The following HCRTR2 variants were observed in gnomAD, a reference collection of about 807,000 sequenced individuals.
HCRTR2 encodes the protein orexin receptor type 2.
In HCRTR2, 22 loss-of-function variants were observed where a neutral mutation model predicts 49.0. That is an observed-to-expected ratio of 0.45 (90% CI 0.32 to 0.64). HCRTR2 has a LOEUF of 0.64. Ranked by LOEUF, HCRTR2 falls within the 30% of genes least tolerant of loss-of-function variation. The probability of loss-of-function intolerance (pLI) is 0.04; values close to 1 mark genes in which losing one functional copy is unlikely to be tolerated. For synonymous variants in HCRTR2, 236 were observed against 205.3 expected, an observed-to-expected ratio of 1.15 and a Z score of -1.28; for missense variants, 491 against 559.4, an observed-to-expected ratio of 0.88 and a Z score of 1.23.
chr6:55,273,898 C>A (rs1338041479), intron 4 of HCRTR2, among the ~76,000 whole-genome samples: 11 of 151,964 alleles, frequency 7.2e-5, no homozygotes, highest in Admixed American at 7.2e-4. Flanking sequence ...GGGATACACA[C>A]AATCACAAAT....
At position 55,277,457 on chromosome 6, in the gene HCRTR2, G is replaced by A; in HGVS notation, c.840G>A (p.Gln280=). The stretch of plus-strand genomic sequence containing the variant: ...TTTCACAGCCTCGAGGGCCAGGACA[G>A]CCAACGAAGTCCCGGATGAGCGCTG... ...QPVSQPRGPG[Q]PTKSRMSAVA... Residue 280 remains glutamine, a synonymous_variant, in exon 5 of 7, where the codon CAG becomes CAA. Transcript: ENST00000370862. 1 of 1,614,118 alleles carries A rather than the reference G, an allele frequency of 6.2e-7. No individual in the cohort carries two copies. The highest frequency in any genetic ancestry group is 8.5e-7 in the Non-Finnish European group (1 of 1,179,996).
At chr6:55,226,711 GTTTTTTT>G (rs777871106) in intron 1 of HCRTR2, among the ~76,000 whole-genome samples, 2 of 74,254 alleles carry the variant, frequency 2.7e-5, no homozygotes, top group African/African-American at 1.2e-4. Flanking sequence ...AATTCCAGGT[GTTTTTTT>G]TTTTTTTTTT....
At chr6:55,251,038 A>G (rs1766540320) in intron 2 of HCRTR2, among the ~76,000 whole-genome samples, 1 of 152,182 alleles carries the variant, frequency 6.6e-6, no homozygotes, top group African/African-American at 2.4e-5. Flanking sequence ...AATGTTCCCA[A>G]ATGCAATGAA....
At chr6:55,241,027 G>A (rs947207699) in intron 1 of HCRTR2, among the ~76,000 whole-genome samples, 2 of 150,902 alleles carry the variant, frequency 1.3e-5, no homozygotes, top group African/African-American at 4.9e-5. Flanking sequence ...CAATGTGCAG[G>A]TTAGTTACAT....
intron 1 of HCRTR2, among the ~76,000 whole-genome samples, chr6:55,247,665 C>T (rs1010558535): frequency 2.6e-5 from 4 of 152,120 alleles, no homozygotes; most frequent in Admixed American, 6.6e-5. Context: ...CTTTTATATA[C>T]GTCAGACCGA....
chr6:55,109,485 T>C (rs1764020313), intron 1 of HCRTR2, among the ~76,000 whole-genome samples: 1 of 151,488 alleles, frequency 6.6e-6, no homozygotes, highest in Non-Finnish European at 1.5e-5. Flanking sequence ...AGTTATAGGA[T>C]ATGGATGGAA....
chr6:55,150,149 CATTTT>C (rs1009390924), intron 1 of HCRTR2, among the ~76,000 whole-genome samples: 1 of 151,778 alleles, frequency 6.6e-6, no homozygotes, highest in African/African-American at 2.4e-5. Context: ...ATTAAAAAAA[CATTTT>C]ATTAAGATAT....
In HCRTR2 at chr6:55,157,982, C is replaced by T. The variant is rs555039227; in HGVS notation, c.-377-16229C>T. 2.6e-5 allele frequency among the ~76,000 whole-genome samples: 4 copies of T among 152,294 alleles called. No individual in the cohort carries two copies. The South Asian group carries it at 8.3e-4, about 32-fold the overall frequency. ...TCAATGCCCAGAAACTGATGAACAT[C>T]CACAAGCTTTAAGACCATCCAGGAG... On this transcript the variant is annotated intron_variant, in intron 1 of 7. Transcript: ENST00000615358.
chr6:55,232,615 A>G (rs1026409222), intron 1 of HCRTR2, among the ~76,000 whole-genome samples: 2 of 152,226 alleles, frequency 1.3e-5, no homozygotes, highest in African/African-American at 4.8e-5. Flanking sequence ...TCAGAGATAG[A>G]AATCTTGATG....
chr6:55,167,239 T>G (rs1264970486), intron 1 of HCRTR2, among the ~76,000 whole-genome samples: 1 of 152,176 alleles, frequency 6.6e-6, no homozygotes, highest in Non-Finnish European at 1.5e-5. Flanking sequence ...GCTTCCACAG[T>G]GCTACTCAAT....
chr6:55,246,015 T>C (rs1441606013), intron 1 of HCRTR2, among the ~76,000 whole-genome samples: 1 of 151,908 alleles, frequency 6.6e-6, no homozygotes, highest in Non-Finnish European at 1.5e-5. Flanking sequence ...CATGTGAAGA[T>C]AGAAACACAG....
intron 4 of HCRTR2, among the ~76,000 whole-genome samples, chr6:55,265,732 C>A (rs954098378): frequency 6.6e-6 from 1 of 152,040 alleles, no homozygotes; most frequent in Non-Finnish European, 1.5e-5. Flanking sequence ...GTCAAAAACA[C>A]AAGGGCCAGA....
Position 55,263,726 on chromosome 6 carries a change from G to C in HCRTR2, c.666G>C (p.Met222Ile). ...TCCTAGGTGAAATTTATCCCAAGAT[G>C]TACCACATCTGTTTCTTTCTGGTGA... ...ERWGGEIYPK[M>I]YHICFFLVTY... The change falls in exon 4 of 7, where the codon ATG (methionine) becomes ATC (isoleucine). Residue 222 changes from methionine to isoleucine, a missense_variant. Physicochemically the swap from Met to Ile is conservative, Grantham distance 10 (BLOSUM62 1). Coordinates refer to ENST00000370862, the MANE Select transcript of HCRTR2 (RefSeq NM_001384272.1). 6.2e-7 allele frequency: 1 copy of C among 1,607,722 alleles called. No individual in the cohort carries two copies. Among genetic ancestry groups the C allele is most frequent in the Non-Finnish European group, 8.5e-7 (1 of 1,174,894 alleles).
chr6:55,125,626 G>A (rs1041967130), intron 1 of HCRTR2, among the ~76,000 whole-genome samples: 1 of 152,072 alleles, frequency 6.6e-6, no homozygotes, highest in African/African-American at 2.4e-5. Flanking sequence ...TCTTTGTGGT[G>A]TTGTCTGTAT....
At chr6:55,204,923 C>G (rs945426787) in intron 1 of HCRTR2, among the ~76,000 whole-genome samples, 1 of 152,018 alleles carries the variant, frequency 6.6e-6, no homozygotes, top group African/African-American at 2.4e-5. Context: ...GCAGCTGGGA[C>G]TACAGGATTG....
At chr6:55,251,392 T>C (rs778109872) in intron 2 of HCRTR2, among the ~76,000 whole-genome samples, 26 of 152,130 alleles carry the variant, frequency 1.7e-4, no homozygotes, top group Non-Finnish European at 3.1e-4. Flanking sequence ...AAAATGACTC[T>C]TTTGTATCTT....
At chr6:55,175,503 C>A (rs758547270) in intron 1 of HCRTR2, among the ~76,000 whole-genome samples, 1 of 152,068 alleles carries the variant, frequency 6.6e-6, no homozygotes. Flanking sequence ...TACATCCATT[C>A]AGCCAAATAT....
At chr6:55,266,488 T>C (rs1766862967) in intron 4 of HCRTR2, among the ~76,000 whole-genome samples, 1 of 152,162 alleles carries the variant, frequency 6.6e-6, no homozygotes, top group Non-Finnish European at 1.5e-5. Flanking sequence ...CTGAAAAATT[T>C]CTTGAAGGGG....
chr6:55,159,613 C>A (rs144520182), intron 1 of HCRTR2, among the ~76,000 whole-genome samples: 2,436 of 152,200 alleles, frequency 0.016, 71 homozygotes, highest in African/African-American at 0.055. Context: ...TAATTGCTAA[C>A]TAGAATAACC....
Sources: allele counts gnomAD v4.1 joint callset (sites outside exome capture counted in the v4.1 genomes callset), GRCh38; gene constraint gnomAD v4.1.1; transcripts MANE v1.5; gene names NCBI Gene and HGNC (gene_info 2026-07-23, HGNC 2026-07-21).